The following ADAM9 variants were observed in gnomAD, a reference collection of about 807,000 sequenced individuals.
The protein encoded by ADAM9 is ADAM metallopeptidase domain 9, also known as disintegrin and metalloproteinase domain-containing protein 9.
ADAM9 carries 54 observed loss-of-function variants against 108.1 expected under a neutral mutation model. The observed-to-expected ratio is 0.50, with a 90% CI of 0.40 to 0.63. The LOEUF (loss-of-function observed/expected upper bound fraction) is 0.63. Ranked by LOEUF, ADAM9 falls within the 20% of genes least tolerant of loss-of-function variation. The pLI is 0.00. For missense variants in ADAM9, 830 were observed against 997.7 expected, an observed-to-expected ratio of 0.83 and a Z score of 2.26; for synonymous variants, 316 against 336.0, an observed-to-expected ratio of 0.94 and a Z score of 0.65.
rs1212240854 is a variant in ADAM9, at chr8:39,104,339, C to T, written c.*639C>T. On this transcript the variant is annotated 3_prime_UTR_variant, in exon 22 of 22. Transcript: ENST00000487273. ...GTGTGTGTGTATTCACGCAGTTACT[C>T]GCTTCCATTTTTATGACCTTTCAAC... 1.8e-5 allele frequency: 8 copies of T among 451,638 alleles called. No homozygotes were observed. Among genetic ancestry groups the T allele is most frequent in the Admixed American group, 9.4e-5 (4 of 42,526 alleles). 28.0% of individuals were successfully genotyped at this position (451,638 alleles called of 1,614,324 possible). A position where few individuals can be genotyped will look rare whatever the true frequency, so the allele number is the denominator to read the frequency against.
At chr8:39,039,791 CACTT>C (rs1837401603) in intron 11 of ADAM9, among the ~76,000 whole-genome samples, 1 of 152,200 alleles carries the variant, frequency 6.6e-6, no homozygotes, top group African/African-American at 2.4e-5. Context: ...CAACTGTTGA[CACTT>C]TGTTTGTTTC....
intron 1 of ADAM9, among the ~76,000 whole-genome samples, chr8:38,999,592 A>G (rs1405938530): frequency 6.6e-6 from 1 of 152,166 alleles, no homozygotes; most frequent in African/African-American, 2.4e-5. Context: ...TGAATTTGAT[A>G]TGTTTGTGTT....
chr8:39,007,697 C>T (rs925712417), intron 1 of ADAM9, among the ~76,000 whole-genome samples, 189 bp from the exon 2 acceptor site: 10 of 152,214 alleles, frequency 6.6e-5, no homozygotes, highest in Admixed American at 2.6e-4. Flanking sequence ...CTCCCTCATA[C>T]TTACCTAATG....
At chr8:39,081,751 G>T (rs1839031222) in intron 16 of ADAM9, among the ~76,000 whole-genome samples, 1 of 152,106 alleles carries the variant, frequency 6.6e-6, no homozygotes, top group South Asian at 2.1e-4. Context: ...TTGTAGGTTT[G>T]TTCTCTAATT....
chr8:39,100,765 A>G (rs1285027280), intron 20 of ADAM9, among the ~76,000 whole-genome samples: 2 of 152,254 alleles, frequency 1.3e-5, no homozygotes, highest in African/African-American at 4.8e-5. Context: ...TCTGCCAGTC[A>G]TAGAACTTTA....
rs1170245854 is a variant in ADAM9 at position 39,104,765 on chromosome 8, A to G, written c.*1065A>G. 3 of 453,792 alleles carry G rather than the reference A, an allele frequency of 6.6e-6. No homozygotes were observed. The highest frequency in any genetic ancestry group is 2.0e-5 in the African/African-American group (1 of 50,006). The allele number at this position is 453,792 out of a possible 1,614,324, so 28.1% of individuals were successfully genotyped here. On this transcript the variant is annotated 3_prime_UTR_variant, in exon 22 of 22. Coordinates refer to ENST00000487273, the MANE Select transcript of ADAM9 (RefSeq NM_003816.3). ...TTTCTTAAATACCTACAAAAAAGTTACTGTGGTATCTATGAGTTATCATCT... is the reference window on the plus strand; with the variant it reads ...TTTCTTAAATACCTACAAAAAAGTTGCTGTGGTATCTATGAGTTATCATCT...
intron 1 of ADAM9, among the ~76,000 whole-genome samples, chr8:39,000,037 T>G (rs1259304628): frequency 6.6e-6 from 1 of 152,236 alleles, no homozygotes; most frequent in Non-Finnish European, 1.5e-5. Context: ...CAGTCTTTTT[T>G]TTTTTGAGAT....
intron 12 of ADAM9, among the ~76,000 whole-genome samples, chr8:39,050,039 A>G (rs1467934413): frequency 6.6e-6 from 1 of 152,070 alleles, no homozygotes. Flanking sequence ...CAGATATAGG[A>G]TTCTTTCTTG....
At chr8:39,030,251 G>A (rs1024280420) in intron 11 of ADAM9, among the ~76,000 whole-genome samples, 1 of 152,038 alleles carries the variant, frequency 6.6e-6, no homozygotes, top group African/African-American at 2.4e-5. Context: ...GCTCCACCTA[G>A]TCATCTCTCC....
chr8:39,077,474 A>T, intron 16 of ADAM9, 63 bp downstream of exon 16: 1 of 1,427,868 alleles, frequency 7.0e-7, no homozygotes, highest in South Asian at 1.4e-5. Context: ...TATTATACAT[A>T]GTAAGTGGTT....
Position 39,055,287 on chromosome 8 carries a change from G to T in ADAM9, c.1396-290G>T, listed in dbSNP as rs6990299. Reference sequence around the variant, plus strand: ...ACTTGTTTCCTTATGCCAATATTGGGTACTAGCAGGCACTATACTCCTAGT... The same window carrying T: ...ACTTGTTTCCTTATGCCAATATTGGTTACTAGCAGGCACTATACTCCTAGT... On this transcript the variant is annotated intron_variant, in intron 13 of 21. Transcript: ENST00000487273. Among the ~76,000 whole-genome samples, 125,976 of 152,142 alleles carry T rather than the reference G, an allele frequency of 0.83. 52,784 individuals are homozygous for T. The highest frequency in any genetic ancestry group is 0.95 in the African/African-American group (39,452 of 41,556).
chr8:38,997,440 C>G (rs976815755), intron 1 of ADAM9, among the ~76,000 whole-genome samples: 14 of 152,208 alleles, frequency 9.2e-5, no homozygotes, highest in African/African-American at 3.4e-4. Context: ...CTCGCCGCCT[C>G]GCGCGACCCC....
intron 2 of ADAM9, among the ~76,000 whole-genome samples, chr8:39,008,346 T>C (rs1270299529): frequency 6.6e-6 from 1 of 152,068 alleles, no homozygotes; most frequent in Non-Finnish European, 1.5e-5. Context: ...AATTTTTTGG[T>C]ATTTTTCAGT....
intron 17 of ADAM9, 23 bp from the exon 18 acceptor site, chr8:39,082,945 G>C (rs1454874504): frequency 6.3e-7 from 1 of 1,587,334 alleles, no homozygotes; most frequent in East Asian, 2.2e-5. Flanking sequence ...ATTAACAAAA[G>C]TGGTATTTTG....
At chr8:39,014,086 A>G (rs1836446956) in intron 4 of ADAM9, 43 bp downstream of exon 4, 1 of 1,531,852 alleles carries the variant, frequency 6.5e-7, no homozygotes, top group Middle Eastern at 1.7e-4. Context: ...TTTTAAAACA[A>G]TTATAATTTA....
At chr8:39,009,896 G>T (rs1395175076) in intron 2 of ADAM9, among the ~76,000 whole-genome samples, 11 of 5,808 alleles carry the variant, frequency 1.9e-3, no homozygotes, top group African/African-American at 9.3e-3. Flanking sequence ...TTCTAGTGAT[G>T]GGGGGGGGGG....
At chr8:39,100,697 A>G (rs536252234) in intron 20 of ADAM9, among the ~76,000 whole-genome samples, 16 of 152,074 alleles carry the variant, frequency 1.1e-4, no homozygotes, top group Non-Finnish European at 2.2e-4. Context: ...ATGATAGACC[A>G]CCTGTTCTAT....
intron 17 of ADAM9, 33 bp from the exon 18 acceptor site, chr8:39,082,935 A>G (rs984005528): frequency 2.5e-6 from 4 of 1,576,176 alleles, no homozygotes; most frequent in Non-Finnish European, 3.5e-6. Flanking sequence ...AACATTCACA[A>G]TTAACAAAAG....
At chr8:39,015,994 A>G in intron 4 of ADAM9, 124 bp from the exon 5 acceptor site, 1 of 861,852 alleles carries the variant, frequency 1.2e-6, no homozygotes, top group Non-Finnish European at 1.9e-6. Context: ...TGCCAATAAT[A>G]TAAATAAAAC....
Sources: gnomAD v4.1 joint callset for allele counts (sites outside exome capture counted in the v4.1 genomes callset) on GRCh38, gnomAD v4.1.1 for gene constraint, MANE v1.5 for transcripts, NCBI Gene and HGNC (gene_info 2026-07-23, HGNC 2026-07-21) for gene names.